The following SLC31A1 variants were observed in gnomAD, a reference collection of about 807,000 sequenced individuals.
SLC31A1 encodes the protein high affinity copper uptake protein 1.
SLC31A1 carries 5 observed loss-of-function variants against 17.2 expected under a neutral mutation model. The ratio of observed to expected loss-of-function variants is 0.29; its 90% CI spans 0.15 to 0.61. The LOEUF is 0.61. Among genes scored for constraint, SLC31A1 ranks in the 20% least tolerant of loss-of-function variants. The pLI is 0.86. For missense variants in SLC31A1, 161 were observed against 241.4 expected (o/e 0.67, Z 2.21); for synonymous variants, 76 against 78.8 (o/e 0.96, Z 0.19).
chr9:113,221,690 C>T lies in SLC31A1; in HGVS notation c.-36+12C>T, dbSNP rs1031252841. 6.9e-6 allele frequency: 2 copies of T among 288,670 alleles called. No homozygotes were observed. Among genetic ancestry groups the T allele is most frequent in the African/African-American group, 2.2e-5 (1 of 45,544 alleles). 17.9% of individuals were successfully genotyped at this position (288,670 alleles called of 1,614,324 possible). On this transcript the variant is annotated intron_variant, in intron 1 of 4. Coordinates refer to ENST00000374212, the MANE Select transcript of SLC31A1 (RefSeq NM_001859.4). ...CTTGACCTGGAAAGGTAAGGCTTCTCTCGGCCCCTCTTTCGCACCCCTGTG... is the reference window on the plus strand; with the variant it reads ...CTTGACCTGGAAAGGTAAGGCTTCTTTCGGCCCCTCTTTCGCACCCCTGTG...
Position 113,258,788 on chromosome 9 carries a change from C to T in SLC31A1, c.297C>T (p.Val99=). 1 of 1,614,228 alleles carries T rather than the reference C, an allele frequency of 6.2e-7. No individual in the cohort carries two copies. The highest frequency in any genetic ancestry group is 8.5e-7 in the Non-Finnish European group (1 of 1,180,038). The change falls in exon 4 of 5, where the codon GTC becomes GTT. Residue 99 remains valine (V), a synonymous_variant. Coordinates refer to ENST00000374212, the MANE Select transcript of SLC31A1 (RefSeq NM_001859.4). This position sits in a 1 kb window ranked among gnomAD's most constrained non-coding sequence, Gnocchi z 4.8. ...ARESLLRKSQ[V]SIRYNSMPVP... is the part of the protein sequence containing the mutation. ...AGAGCCTGCTGCGTAAGTCACAAGT[C>T]AGCATTCGCTACAATTCCATGCCTG...
chr9:113,253,770 ATAAAATAATGTAGTGTCTGGCAT>A (rs1831688752), intron 1 of SLC31A1, among the ~76,000 whole-genome samples: 4 of 151,760 alleles, frequency 2.6e-5, no homozygotes, highest in Admixed American at 1.3e-4. Context: ...CTCTATAATT[ATAAAATAATGTAGTGTCTGGCAT>A]GAAAGTGGAT....
At chr9:113,256,519 T>C (rs993711101) in intron 2 of SLC31A1, 1 of 416,968 alleles carries the variant, frequency 2.4e-6, no homozygotes. Flanking sequence ...AATCGACTCT[T>C]TTCTGAATTA....
intron 1 of SLC31A1, among the ~76,000 whole-genome samples, chr9:113,232,930 T>G (rs1299749985): frequency 1.3e-5 from 2 of 152,166 alleles, no homozygotes; most frequent in African/African-American, 4.8e-5. Flanking sequence ...GAATTGCACT[T>G]ATACCATATA....
At chr9:113,226,912 C>T (rs1281075869) in intron 1 of SLC31A1, among the ~76,000 whole-genome samples, 1 of 152,146 alleles carries the variant, frequency 6.6e-6, no homozygotes, top group Non-Finnish European at 1.5e-5. Context: ...CACCCGCATC[C>T]TCTCTCCTAC....
Position 113,256,353 on chromosome 9 carries a change from G to A in SLC31A1, c.129+76G>A. 1.9e-6 allele frequency: 3 copies of A among 1,539,444 alleles called. No homozygotes were observed. The Admixed American group carries it at 5.4e-5, about 28-fold the overall frequency. On this transcript the variant is annotated intron_variant, in intron 2 of 4. Coordinates refer to ENST00000374212, the MANE Select transcript of SLC31A1 (RefSeq NM_001859.4). ...ATAGAAATAATGGAATTTTAGTACT[G>A]GAAGCTTATTATCTTTAAAGGTCAG...
intron 1 of SLC31A1, chr9:113,255,741 C>T (rs1466394489): frequency 6.3e-6 from 1 of 159,012 alleles, no homozygotes. Context: ...CGTGTAAACC[C>T]TTTCTGCTAC....
chr9:113,226,333 T>G (rs1831342442), intron 1 of SLC31A1, among the ~76,000 whole-genome samples: 1 of 152,128 alleles, frequency 6.6e-6, no homozygotes, highest in South Asian at 2.1e-4. Context: ...ATGCAGCTCT[T>G]AAATCCATTT....
At chr9:113,238,971 G>A (rs562281938) in intron 1 of SLC31A1, among the ~76,000 whole-genome samples, 16 of 152,170 alleles carry the variant, frequency 1.1e-4, no homozygotes, top group Non-Finnish European at 1.5e-4. Flanking sequence ...CACCTTCATC[G>A]TATTTATTGA....
chr9:113,239,303 T>C (rs991632531), intron 1 of SLC31A1, among the ~76,000 whole-genome samples: 1 of 152,016 alleles, frequency 6.6e-6, no homozygotes, highest in African/African-American at 2.4e-5. Flanking sequence ...TAAATTCTTC[T>C]TACTAATTCT....
intron 3 of SLC31A1, among the ~76,000 whole-genome samples, chr9:113,257,639 C>T (rs191931089): frequency 0.012 from 1,833 of 152,024 alleles, 36 homozygotes; most frequent in African/African-American, 0.041. Flanking sequence ...AGGCACCTAC[C>T]GCCATGCCTG....
chr9:113,252,954 C>CTTTTTTTTTTT (rs369221979), intron 1 of SLC31A1, among the ~76,000 whole-genome samples: 1 of 105,514 alleles, frequency 9.5e-6, no homozygotes. Context: ...TTCTTTTTTT[C>CTTTTTTTTTTT]TTTTTTTTTT....
In SLC31A1 at chr9:113,256,146, A is replaced by G. The variant is rs771959353; in HGVS notation, c.-3A>G. 74 of 1,612,000 alleles carry G rather than the reference A, an allele frequency of 4.6e-5. No individual in the cohort carries two copies. The highest frequency in any genetic ancestry group is 2.5e-6 in the Non-Finnish European group (3 of 1,179,914). On this transcript the variant is annotated 5_prime_UTR_variant, in exon 2 of 5. Transcript: ENST00000374212. ...TGCTGACTCTCAACTTTTCCTGGAA[A>G]AAATGGATCATTCCCACCATATGGG...
At chr9:113,251,793 G>C (rs1411260354) in intron 1 of SLC31A1, among the ~76,000 whole-genome samples, 1 of 152,058 alleles carries the variant, frequency 6.6e-6, no homozygotes, top group East Asian at 1.9e-4. Flanking sequence ...TATTCCCGTG[G>C]GATCTTTTCC....
At chr9:113,241,971 C>T (rs780179740) in intron 1 of SLC31A1, among the ~76,000 whole-genome samples, 1 of 152,218 alleles carries the variant, frequency 6.6e-6, no homozygotes, top group Middle Eastern at 3.4e-3. Context: ...TAGAGGATCA[C>T]GAGGTCAGGA....
chr9:113,249,514 G>A (rs946152762), intron 1 of SLC31A1, among the ~76,000 whole-genome samples: 3 of 151,816 alleles, frequency 2.0e-5, no homozygotes, highest in Admixed American at 1.3e-4. Context: ...TTACAGGCAC[G>A]CACCACCATG....
intron 1 of SLC31A1, among the ~76,000 whole-genome samples, chr9:113,229,126 G>A (rs151005893): frequency 3.5e-4 from 54 of 152,318 alleles, no homozygotes; most frequent in African/African-American, 1.1e-3. Context: ...GATTATAGGC[G>A]TGATCCACTG....
At chr9:113,253,843 C>T (rs1233348117) in intron 1 of SLC31A1, among the ~76,000 whole-genome samples, 1 of 151,950 alleles carries the variant, frequency 6.6e-6, no homozygotes, top group African/African-American at 2.4e-5. Context: ...TTATCCTTCA[C>T]TAGAAATAAG....
chr9:113,221,968 G>C (rs1831281078), intron 1 of SLC31A1, among the ~76,000 whole-genome samples: 1 of 152,212 alleles, frequency 6.6e-6, no homozygotes, highest in African/African-American at 2.4e-5. Flanking sequence ...AGAGGCCATG[G>C]ATTTCAATCC....
Sources: allele counts gnomAD v4.1 joint callset (sites outside exome capture counted in the v4.1 genomes callset), GRCh38; gene constraint gnomAD v4.1.1; non-coding constraint Gnocchi (gnomAD v3.1); transcripts MANE v1.5; gene names NCBI Gene and HGNC (gene_info 2026-07-23, HGNC 2026-07-21).